UGT1A4: variants seen among roughly 807,000 people sequenced by gnomAD.
UGT1A4 encodes UDP-glucuronosyltransferase 1A4.
In UGT1A4, 32 loss-of-function variants were observed where a neutral mutation model predicts 41.1. The observed-to-expected ratio is 0.78, with a 90% CI of 0.59 to 1.05. The LOEUF (loss-of-function observed/expected upper bound fraction) is 1.05. UGT1A4 is among the 50% of genes least tolerant of loss of function. UGT1A4 has a pLI of 0.00. For synonymous variants in UGT1A4, 283 were observed against 265.1 expected, an observed-to-expected ratio of 1.07 and a Z score of -0.66; for missense variants, 748 against 677.4, an observed-to-expected ratio of 1.10 and a Z score of -1.16.
At chr2:233,748,608 C>T (rs1265158966) in intron 1 of UGT1A4, among the ~76,000 whole-genome samples, 3 of 151,644 alleles carry the variant, frequency 2.0e-5, no homozygotes, top group African/African-American at 4.9e-5. Flanking sequence ...AGTAGAGCAA[C>T]GAACGTGGGA....
chr2:233,728,683 G>A (rs1270712584), intron 1 of UGT1A4, among the ~76,000 whole-genome samples: 4 of 152,230 alleles, frequency 2.6e-5, no homozygotes, highest in African/African-American at 7.2e-5. Flanking sequence ...TGAGAAGAAA[G>A]TTTCAAGGGT....
chr2:233,743,385 C>T, intron 1 of UGT1A4: 1 of 1,211,156 alleles, frequency 8.3e-7, no homozygotes, highest in Non-Finnish European at 1.1e-6. Flanking sequence ...TACCGTAGGA[C>T]ATGCAGAAGG....
At chr2:233,729,037 G>A in intron 1 of UGT1A4, 2 of 1,603,940 alleles carry the variant, frequency 1.2e-6, no homozygotes, top group Non-Finnish European at 1.7e-6. Context: ...TTTGCTAAGT[G>A]GCTCAGTGAC....
rs45625338 is a variant in UGT1A4 at position 233,729,259 on chromosome 2, C to T, written c.867+9572C>T. 3,601 of 1,614,078 alleles carry T rather than the reference C, an allele frequency of 2.2e-3. 92 individuals are homozygous for T. In the East Asian group the frequency reaches 0.052, roughly 23 times the overall value. On this transcript the variant is annotated intron_variant, in intron 1 of 4. Transcript: ENST00000373409. ...TGATGGCAGCCACTGGCTCAGCATGCGGGAGGTCTTGCGGGAGCTCCATGC... is the reference window on the plus strand; with the variant it reads ...TGATGGCAGCCACTGGCTCAGCATGTGGGAGGTCTTGCGGGAGCTCCATGC...
intron 1 of UGT1A4, among the ~76,000 whole-genome samples, chr2:233,757,535 A>AATATATATAC (rs376887521): frequency 4.5e-5 from 4 of 88,310 alleles, no homozygotes; most frequent in South Asian, 5.2e-4. Context: ...GCCTGTAAGG[A>AATATATATAC]ATATATATAT....
chr2:233,765,502 A>G (rs1698851224), intron 1 of UGT1A4, among the ~76,000 whole-genome samples: 1 of 152,194 alleles, frequency 6.6e-6, no homozygotes, highest in Non-Finnish European at 1.5e-5. Flanking sequence ...AAACTAACAC[A>G]GGAACAGAAA....
intron 1 of UGT1A4, among the ~76,000 whole-genome samples, chr2:233,732,119 T>C (rs1297599080): frequency 7.1e-6 from 1 of 141,674 alleles, no homozygotes; most frequent in African/African-American, 2.7e-5. Context: ...TTTGCCCACT[T>C]TTTGATGAGG....
chr2:233,738,222 T>G (rs937351311), intron 1 of UGT1A4, among the ~76,000 whole-genome samples: 9 of 152,076 alleles, frequency 5.9e-5, no homozygotes, highest in African/African-American at 1.9e-4. Context: ...ATTATAAGTT[T>G]CCTGAGGCCC....
At chr2:233,746,697 A>G (rs1693455555) in intron 1 of UGT1A4, among the ~76,000 whole-genome samples, 1 of 151,702 alleles carries the variant, frequency 6.6e-6, no homozygotes, top group African/African-American at 2.4e-5. Context: ...CATTCCATAA[A>G]TATTTGGTGG....
intron 1 of UGT1A4, among the ~76,000 whole-genome samples, chr2:233,733,067 T>A (rs1039618890): frequency 3.2e-4 from 48 of 152,298 alleles, no homozygotes; most frequent in Non-Finnish European, 4.6e-4. Flanking sequence ...ATTCTCTTTG[T>A]AGCAATTGTG....
intron 1 of UGT1A4, among the ~76,000 whole-genome samples, chr2:233,744,313 G>A (rs1203522735): frequency 6.6e-6 from 1 of 151,838 alleles, no homozygotes; most frequent in Non-Finnish European, 1.5e-5. Context: ...GAGGGAAGAG[G>A]GTGGTGGGAG....
At chr2:233,765,715 T>C (rs1435382994) in intron 1 of UGT1A4, among the ~76,000 whole-genome samples, 2 of 140,082 alleles carry the variant, frequency 1.4e-5, no homozygotes, top group African/African-American at 6.4e-5. Flanking sequence ...TAATAATTAA[T>C]AATAATAATA....
chr2:233,769,478 T>C lies in UGT1A4; in HGVS notation c.1307+1039T>C. The C allele has an allele frequency of 5.6e-6, 9 of 1,611,038 alleles. No homozygotes were observed. Among genetic ancestry groups the C allele is most frequent in the Non-Finnish European group, 7.6e-6 (9 of 1,178,536 alleles). On this transcript the variant is annotated intron_variant, in intron 4 of 4. Transcript: ENST00000373409. The surrounding 1 kb of genome is among the most constrained non-coding windows in gnomAD (Gnocchi z 4.4). Reference sequence around the variant, plus strand: ...GCATTCATATGCGTGTGTGTGTGTGTGCGTGTGTTTATGAGAGTGTCCATT... The same window carrying C: ...GCATTCATATGCGTGTGTGTGTGTGCGCGTGTGTTTATGAGAGTGTCCATT...
chr2:233,739,660 T>G (rs1471154099), intron 1 of UGT1A4, among the ~76,000 whole-genome samples: 1 of 152,216 alleles, frequency 6.6e-6, no homozygotes, highest in Non-Finnish European at 1.5e-5. Flanking sequence ...TGTACCCCCA[T>G]TGTGTCTTGG....
At chr2:233,732,043 G>A (rs879000369) in intron 1 of UGT1A4, among the ~76,000 whole-genome samples, 3 of 152,324 alleles carry the variant, frequency 2.0e-5, no homozygotes, top group African/African-American at 7.2e-5. Context: ...CAGTGATGAT[G>A]AGCATTTATT....
rs201446096 is a variant in UGT1A4, at chr2:233,743,635, G to A, written c.868-23399G>A. On this transcript the variant is annotated intron_variant, in intron 1 of 4. Transcript: ENST00000373409. ...ACTCCCTGAAGACGTCGGCTGGGTC[G>A]CGGAAGCTGAAGACGTACTCGAAGG... 1.1e-3 allele frequency: 1,545 copies of A among 1,367,290 alleles called. 32 individuals are homozygous for A. In the South Asian group the frequency reaches 0.016, roughly 14 times the overall value. 84.7% of individuals were successfully genotyped at this position (1,367,290 alleles called of 1,614,324 possible).
intron 1 of UGT1A4, among the ~76,000 whole-genome samples, chr2:233,726,446 C>T (rs1475095997): frequency 6.6e-6 from 1 of 152,204 alleles, no homozygotes; most frequent in African/African-American, 2.4e-5. Context: ...ATTCTTTCCA[C>T]TGAATGTAAG....
At chr2:233,749,418 G>A (rs971310619) in intron 1 of UGT1A4, among the ~76,000 whole-genome samples, 1 of 151,768 alleles carries the variant, frequency 6.6e-6, no homozygotes, top group Non-Finnish European at 1.5e-5. Flanking sequence ...TAACTACATT[G>A]CTCAAAACTT....
At chr2:233,752,571 C>A (rs1486074220) in intron 1 of UGT1A4, 2 of 152,178 alleles carry the variant, frequency 1.3e-5, no homozygotes, top group African/African-American at 2.4e-5. Flanking sequence ...AGTGGGTCAA[C>A]ATCATTCCCA....
Sources: gnomAD v4.1 joint callset for allele counts (sites outside exome capture counted in the v4.1 genomes callset) on GRCh38, gnomAD v4.1.1 for gene constraint, Gnocchi (gnomAD v3.1) non-coding constraint, MANE v1.5 for transcripts, NCBI Gene and HGNC (gene_info 2026-07-23, HGNC 2026-07-21) for gene names.